Variants in EHMT1 observed in about 807,000 individuals in gnomAD.
The protein encoded by EHMT1 is euchromatic histone lysine methyltransferase 1, also known as histone-lysine N-methyltransferase EHMT1.
A neutral mutation model predicts 147.2 loss-of-function variants in EHMT1; 15 were observed. That is an observed-to-expected ratio of 0.10 (90% CI 0.07 to 0.16). The LOEUF (loss-of-function observed/expected upper bound fraction) is 0.16. EHMT1 is among the 10% of genes least tolerant of loss of function. The pLI, the probability that EHMT1 is intolerant of heterozygous loss-of-function variation, is 1.00. For synonymous variants in EHMT1, 795 were observed against 709.6 expected, an observed-to-expected ratio of 1.12 and a Z score of -1.91; for missense variants, 1,587 against 1,772.4, an observed-to-expected ratio of 0.90 and a Z score of 1.88.
rs925752488 is a variant in EHMT1 at position 137,786,389 on chromosome 9, C to T, written c.2382+3992C>T. The T allele has an allele frequency of 1.3e-5, 2 of 152,228 alleles. No individual in the cohort carries two copies. Among genetic ancestry groups the T allele is most frequent in the East Asian group, 3.9e-4 (2 of 5,192 alleles). 9.4% of individuals were successfully genotyped at this position (152,228 alleles called of 1,614,324 possible). A position where few individuals can be genotyped will look rare whatever the true frequency, so the allele number is the denominator to read the frequency against. On this transcript the variant is annotated intron_variant, in intron 15 of 26. Coordinates refer to ENST00000460843, the MANE Select transcript of EHMT1 (RefSeq NM_024757.5). This position sits in a 1 kb window ranked among gnomAD's most constrained non-coding sequence, Gnocchi z 4.3. ...TTCTCCAGGAAGAGAGAGAGATTGGCTTTATCTCTAGTTTGCCCTGAATCC... is the reference window on the plus strand; with the variant it reads ...TTCTCCAGGAAGAGAGAGAGATTGGTTTTATCTCTAGTTTGCCCTGAATCC...
At chr9:137,722,575 G>C (rs553425504) in intron 3 of EHMT1, among the ~76,000 whole-genome samples, 1 of 152,192 alleles carries the variant, frequency 6.6e-6, no homozygotes, top group African/African-American at 2.4e-5. Context: ...GAGGTGGTGC[G>C]GCAGAGACTA....
chr9:137,817,545 AC>A lies in EHMT1; in HGVS notation c.3461+24del. ...CTGCGAGTGAGTGAGTCCCTGGGTC[AC>A]CCCAAGCCTGGTGTCATTTCTGGGA... On this transcript the variant is annotated intron_variant, in intron 24 of 26. Coordinates refer to ENST00000460843, the MANE Select transcript of EHMT1 (RefSeq NM_024757.5). 1 of 1,613,956 alleles carries A rather than the reference AC, an allele frequency of 6.2e-7. No individual in the cohort carries two copies. The highest frequency in any genetic ancestry group is 8.5e-7 in the Non-Finnish European group (1 of 1,179,958).
intron 1 of EHMT1, among the ~76,000 whole-genome samples, chr9:137,674,406 C>A (rs1162810466): frequency 6.6e-6 from 1 of 152,186 alleles, no homozygotes; most frequent in East Asian, 1.9e-4. Flanking sequence ...GAATTCCGTC[C>A]CCTTTTCTGG....
chr9:137,742,300 TG>T (rs1948164644), intron 4 of EHMT1, among the ~76,000 whole-genome samples: 1 of 148,486 alleles, frequency 6.7e-6, no homozygotes, highest in African/African-American at 2.5e-5. Context: ...TGTGTGTGTG[TG>T]TGTGTGTGTG....
chr9:137,682,253 C>T (rs890970737), intron 1 of EHMT1, among the ~76,000 whole-genome samples: 2 of 152,000 alleles, frequency 1.3e-5, no homozygotes, highest in African/African-American at 4.8e-5. Flanking sequence ...CGGCCAAAAT[C>T]GTCCTCTTTA....
chr9:137,764,981 A>G (rs11137210), intron 10 of EHMT1, among the ~76,000 whole-genome samples: 43,024 of 152,140 alleles, frequency 0.28, 6,585 homozygotes, highest in Admixed American at 0.41. Flanking sequence ...AGTACCTAAG[A>G]TTTTTATTTT....
At chr9:137,660,651 C>A (rs568322757) in intron 1 of EHMT1, among the ~76,000 whole-genome samples, 1 of 152,176 alleles carries the variant, frequency 6.6e-6, no homozygotes, top group Non-Finnish European at 1.5e-5. Flanking sequence ...TTGTGTGAAT[C>A]CACATCTTCA....
chr9:137,710,975 G>A lies in EHMT1; in HGVS notation c.30G>A (p.Pro10=), dbSNP rs369073742. The part of the protein sequence containing the change: MAAADAEAV[P]ARGEPQQDCC... ...TTGTTTCTCTCTAACAGGCAGTTCC[G>A]GCGAGGGGGGAGCCTCAGCAGGATT... The change falls in exon 2 of 27, where the codon CCG becomes CCA. Residue 10 remains proline, a synonymous_variant. Coordinates refer to ENST00000460843, the MANE Select transcript of EHMT1 (RefSeq NM_024757.5). 26 of 1,597,204 alleles carry A rather than the reference G, an allele frequency of 1.6e-5. No homozygotes were observed. Among genetic ancestry groups the A allele is most frequent in the Middle Eastern group, 3.3e-4 (2 of 6,060 alleles).
intron 9 of EHMT1, among the ~76,000 whole-genome samples, chr9:137,759,054 G>C (rs746240968): frequency 3.2e-4 from 48 of 151,998 alleles, no homozygotes; most frequent in Non-Finnish European, 6.3e-4. Context: ...GTGAACCCAG[G>C]AAGCAGAGCT....
chr9:137,633,576 A>G (rs1343970141), intron 1 of EHMT1, among the ~76,000 whole-genome samples: 1 of 152,176 alleles, frequency 6.6e-6, no homozygotes, highest in Non-Finnish European at 1.5e-5. Flanking sequence ...TTCATTTACT[A>G]TAAAATTCAC....
At chr9:137,633,585 A>G (rs932707448) in intron 1 of EHMT1, among the ~76,000 whole-genome samples, 10 of 152,132 alleles carry the variant, frequency 6.6e-5, no homozygotes, top group African/African-American at 2.4e-4. Flanking sequence ...TATAAAATTC[A>G]CATTTTAAAA....
chr9:137,644,952 A>G (rs1488630257), intron 1 of EHMT1, among the ~76,000 whole-genome samples: 3 of 151,976 alleles, frequency 2.0e-5, no homozygotes, highest in Admixed American at 1.3e-4. Flanking sequence ...AGCTCACTGC[A>G]GTCTCCACCT....
chr9:137,639,809 A>G (rs1054064726), intron 1 of EHMT1, among the ~76,000 whole-genome samples: 9 of 152,170 alleles, frequency 5.9e-5, no homozygotes, highest in Non-Finnish European at 1.3e-4. Context: ...TTATTTTTAA[A>G]GTGTCACCTT....
chr9:137,688,748 A>G (rs1026834757), intron 1 of EHMT1, among the ~76,000 whole-genome samples: 3 of 152,142 alleles, frequency 2.0e-5, no homozygotes, highest in African/African-American at 7.2e-5. Context: ...ACACGTTTGT[A>G]TTTGTCATGA....
intron 1 of EHMT1, among the ~76,000 whole-genome samples, chr9:137,686,146 C>T (rs1053945028): frequency 3.3e-5 from 5 of 152,248 alleles, no homozygotes; most frequent in South Asian, 2.1e-4. Flanking sequence ...TATTTTCTCT[C>T]GTTCCTTAAG....
intron 1 of EHMT1, among the ~76,000 whole-genome samples, chr9:137,642,703 AATTAC>A (rs1437538142): frequency 3.3e-5 from 5 of 152,228 alleles, no homozygotes; most frequent in African/African-American, 1.2e-4. Context: ...TTGTCATACA[AATTAC>A]ATTACACTGT....
intron 1 of EHMT1, among the ~76,000 whole-genome samples, chr9:137,688,618 TA>T (rs2134772802): frequency 6.6e-6 from 1 of 152,244 alleles, no homozygotes; most frequent in East Asian, 1.9e-4. Context: ...AATGAGATTT[TA>T]AAAAGGGATA....
At chr9:137,690,090 T>C (rs1415276060) in intron 1 of EHMT1, among the ~76,000 whole-genome samples, 1 of 152,176 alleles carries the variant, frequency 6.6e-6, no homozygotes, top group East Asian at 1.9e-4. Context: ...TGGGATTTAC[T>C]ATGTTAAGAC....
chr9:137,671,983 C>G (rs1940720595), intron 1 of EHMT1, among the ~76,000 whole-genome samples: 1 of 152,200 alleles, frequency 6.6e-6, no homozygotes, highest in Admixed American at 6.5e-5. Flanking sequence ...GTGAAGCTCC[C>G]CCAGCACTTC....
Sources: allele counts gnomAD v4.1 joint callset (sites outside exome capture counted in the v4.1 genomes callset), GRCh38; gene constraint gnomAD v4.1.1; non-coding constraint Gnocchi (gnomAD v3.1); transcripts MANE v1.5; gene names NCBI Gene and HGNC (gene_info 2026-07-23, HGNC 2026-07-21).